CACNA2D4: variants seen among roughly 807,000 people sequenced by gnomAD.
CACNA2D4 encodes the protein voltage-dependent calcium channel subunit alpha-2/delta-4.
A neutral mutation model predicts 163.8 loss-of-function variants in CACNA2D4; 157 were observed. The ratio of observed to expected loss-of-function variants is 0.96; its 90% confidence interval spans 0.84 to 1.09. The LOEUF is 1.09. CACNA2D4 is among the 50% of genes least tolerant of loss of function. The pLI, the probability that CACNA2D4 is intolerant of heterozygous loss-of-function variation, is 0.00. For synonymous variants in CACNA2D4, 598 were observed against 586.9 expected, an observed-to-expected ratio of 1.02 and a Z score of -0.27; for missense variants, 1,410 against 1,479.9, an observed-to-expected ratio of 0.95 and a Z score of 0.78.
chr12:1,795,049 AT>A, intron 37 of CACNA2D4: 1 of 581,954 alleles, frequency 1.7e-6, no homozygotes, highest in East Asian at 2.8e-5. Flanking sequence ...AGATGCACCT[AT>A]CACCCTAATC....
At chr12:1,793,906 C>G in intron 37 of CACNA2D4, 147 bp from the exon 38 acceptor site, 1 of 643,556 alleles carries the variant, frequency 1.6e-6, no homozygotes, top group East Asian at 2.7e-5. Context: ...TCTTAGGCCC[C>G]TACCTTTTGG....
chr12:1,837,533 C>G (rs1864909213), intron 26 of CACNA2D4, among the ~76,000 whole-genome samples: 1 of 152,164 alleles, frequency 6.6e-6, no homozygotes, highest in African/African-American at 2.4e-5. Context: ...GGCCCGAGAA[C>G]CCCCTCCTCA....
At chr12:1,816,863 CGCACACACTT>C (rs1218202132) in intron 26 of CACNA2D4, among the ~76,000 whole-genome samples, 1 of 152,176 alleles carries the variant, frequency 6.6e-6, no homozygotes, top group Non-Finnish European at 1.5e-5. Context: ...CACAGGCATA[CGCACACACTT>C]GCACACACAT....
At chr12:1,846,280 A>G in intron 24 of CACNA2D4, among the ~76,000 whole-genome samples, 1 of 152,090 alleles carries the variant, frequency 6.6e-6, no homozygotes, top group East Asian at 1.9e-4. Flanking sequence ...CCTCAACTTC[A>G]AAGTCTCTCC....
At chr12:1,908,768 C>G (rs7312675) in intron 4 of CACNA2D4, among the ~76,000 whole-genome samples, 4,417 of 21,600 alleles carry the variant, frequency 0.2, 32 homozygotes, top group East Asian at 0.26. Context: ...GCCGGACTGC[C>G]TCACGGACAT....
rs541701384 is a variant in CACNA2D4, at chr12:1,815,588, C to T, written c.2552-3865G>A. Among the ~76,000 whole-genome samples the T allele has an allele frequency of 1.1e-4, 16 of 149,242 alleles. 1 individual carries two copies. The highest frequency in any genetic ancestry group is 3.4e-3 in the Middle Eastern group (1 of 292). ...GCAGGCAGGGGATTGAGTTTTGATC[C>T]CCAGCACCTAGAATCGTACCTATCA... On this transcript the variant is annotated intron_variant, in intron 26 of 37. Coordinates refer to ENST00000382722, the MANE Select transcript of CACNA2D4 (RefSeq NM_172364.5).
At chr12:1,862,709 G>A (rs773541080) in intron 18 of CACNA2D4, among the ~76,000 whole-genome samples, 1 of 152,180 alleles carries the variant, frequency 6.6e-6, no homozygotes, top group Non-Finnish European at 1.5e-5. Context: ...CACCGTGCCC[G>A]GCTAAGTCTT....
Position 1,917,032 on chromosome 12 carries a change from G to GA in CACNA2D4, c.227+1214dup, listed in dbSNP as rs1867001473. ...CCTATCAGCTGGTGTGTGTTCTGGGGATGAAAATTGTTCTGAACATCTCCT... is the reference window on the plus strand; with the variant it reads ...CCTATCAGCTGGTGTGTGTTCTGGGGAATGAAAATTGTTCTGAACATCTCCT... On this transcript the variant is annotated intron_variant, in intron 1 of 37. Coordinates refer to ENST00000382722, the MANE Select transcript of CACNA2D4 (RefSeq NM_172364.5). The surrounding 1 kb of genome is among the most constrained non-coding windows in gnomAD (Gnocchi z 4.3). Among the ~76,000 whole-genome samples the GA allele has an allele frequency of 6.6e-6, 1 of 152,160 alleles. No homozygotes were observed. Among genetic ancestry groups the GA allele is most frequent in the South Asian group, 2.1e-4 (1 of 4,832 alleles).
intron 31 of CACNA2D4, 52 bp from the exon 32 acceptor site, chr12:1,800,490 G>GC (rs111637110): frequency 0.027 from 36,777 of 1,355,028 alleles, 85 homozygotes; most frequent in African/African-American, 0.032. Context: ...GGGTGAGGGT[G>GC]CCCCCCCCCC....
Position 1,878,231 on chromosome 12 carries a change from G to A in CACNA2D4, c.1719+84C>T. ...TGGGTTCCTAAATGGAGCCCAATGTGTGTTTGTTGTTTTAATCGTTTTTGT... is the reference window on the plus strand; with the variant it reads ...TGGGTTCCTAAATGGAGCCCAATGTATGTTTGTTGTTTTAATCGTTTTTGT... On this transcript the variant is annotated intron_variant, in intron 16 of 37. Transcript: ENST00000382722. This position sits in a 1 kb window ranked among gnomAD's most constrained non-coding sequence, Gnocchi z 4.6. 6.8e-7 allele frequency: 1 copy of A among 1,461,848 alleles called. No individual in the cohort carries two copies. Among genetic ancestry groups the A allele is most frequent in the East Asian group, 2.5e-5 (1 of 40,596 alleles). 90.6% of individuals were successfully genotyped at this position (1,461,848 alleles called of 1,614,324 possible). A position where few individuals can be genotyped will look rare whatever the true frequency, so the allele number is the denominator to read the frequency against.
At chr12:1,862,306 G>A (rs1865542123) in intron 18 of CACNA2D4, among the ~76,000 whole-genome samples, 3 of 152,206 alleles carry the variant, frequency 2.0e-5, no homozygotes, top group African/African-American at 4.8e-5. Flanking sequence ...TCCCAAAGGT[G>A]TTTTGCCATT....
chr12:1,884,009 T>C, intron 12 of CACNA2D4: 1 of 528,116 alleles, frequency 1.9e-6, no homozygotes, highest in South Asian at 3.2e-5. Context: ...AGAACCAGAG[T>C]CCATGGCTTA....
intron 25 of CACNA2D4, among the ~76,000 whole-genome samples, chr12:1,842,740 A>T (rs1049767812): frequency 6.6e-6 from 1 of 151,100 alleles, no homozygotes; most frequent in Non-Finnish European, 1.5e-5. Flanking sequence ...TCATTATAGA[A>T]CCTCTCCAGG....
intron 28 of CACNA2D4, 47 bp from the exon 29 acceptor site, chr12:1,810,387 C>CCCGGTCCTCCAG (rs1424906919): frequency 6.3e-7 from 1 of 1,577,742 alleles, no homozygotes; most frequent in Admixed American, 1.7e-5. Context: ...CCTCACCCAC[C>CCCGGTCCTCCAG]CCGGTCCTCC....
intron 26 of CACNA2D4, among the ~76,000 whole-genome samples, chr12:1,824,994 A>G (rs927841720): frequency 6.6e-6 from 1 of 152,260 alleles, no homozygotes; most frequent in African/African-American, 2.4e-5. Context: ...CACAGGGCAT[A>G]TCCGCATGAA....
chr12:1,814,924 C>G (rs1052069302), intron 26 of CACNA2D4, among the ~76,000 whole-genome samples: 1 of 152,230 alleles, frequency 6.6e-6, no homozygotes, highest in African/African-American at 2.4e-5. Context: ...GAGTCTCACT[C>G]TGTCACCCAG....
intron 6 of CACNA2D4, among the ~76,000 whole-genome samples, chr12:1,890,886 C>T (rs531131126): frequency 3.5e-4 from 53 of 152,314 alleles, no homozygotes; most frequent in Middle Eastern, 3.4e-3. Flanking sequence ...CCTGGTACCA[C>T]CATAGGTTGC....
At chr12:1,867,033 C>T (rs984201344) in intron 18 of CACNA2D4, among the ~76,000 whole-genome samples, 18 of 152,044 alleles carry the variant, frequency 1.2e-4, no homozygotes, top group Non-Finnish European at 2.2e-4. Context: ...GGCACTTTAA[C>T]GATGTTATTT....
intron 26 of CACNA2D4, among the ~76,000 whole-genome samples, chr12:1,823,712 G>T (rs888016614): frequency 1.5e-4 from 23 of 152,206 alleles, no homozygotes; most frequent in African/African-American, 5.1e-4. Context: ...CTGGGAAGAG[G>T]AGAACCTGTC....
Sources: allele counts gnomAD v4.1 joint callset (sites outside exome capture counted in the v4.1 genomes callset), GRCh38; gene constraint gnomAD v4.1.1; non-coding constraint Gnocchi (gnomAD v3.1); transcripts MANE v1.5; gene names NCBI Gene and HGNC (gene_info 2026-07-23, HGNC 2026-07-21).